The following SCAP variants were observed in gnomAD, a reference collection of about 807,000 sequenced individuals.
The protein encoded by SCAP is sterol regulatory element-binding protein cleavage-activating protein.
In SCAP, 65 loss-of-function variants were observed where a neutral mutation model predicts 123.6. That is an observed-to-expected ratio of 0.53 (90% CI 0.43 to 0.65). SCAP has a LOEUF of 0.65. Ranked by LOEUF, SCAP falls within the 30% of genes least tolerant of loss-of-function variation. The pLI is 0.00. For missense variants in SCAP, 1,398 were observed against 1,712.5 expected (o/e 0.82, Z 3.24); for synonymous variants, 740 against 726.3 (o/e 1.02, Z -0.30).
At chr3:47,460,985 G>A (rs1707618918) in intron 1 of SCAP, among the ~76,000 whole-genome samples, 1 of 152,158 alleles carries the variant, frequency 6.6e-6, no homozygotes, top group Non-Finnish European at 1.5e-5. Flanking sequence ...TTTTCCTTGG[G>A]GTGAGGGTCC....
chr3:47,416,176 G>C (rs1322746801), intron 18 of SCAP, among the ~76,000 whole-genome samples: 1 of 152,242 alleles, frequency 6.6e-6, no homozygotes. Context: ...CTTGGAGGAG[G>C]AGCCAGTGTG....
At chr3:47,426,422 T>TTTTA (rs1323256141) in intron 6 of SCAP, among the ~76,000 whole-genome samples, 16 of 152,082 alleles carry the variant, frequency 1.1e-4, no homozygotes, top group Non-Finnish European at 8.8e-5. Context: ...ACACTCTCTT[T>TTTTA]TTTATTTATT....
At position 47,419,658 on chromosome 3, in the gene SCAP, G is replaced by A; in HGVS notation, c.1610C>T (p.Ala537Val). The A allele has an allele frequency of 6.4e-7, 1 of 1,558,468 alleles. No individual in the cohort carries two copies. The highest frequency in any genetic ancestry group is 8.7e-7 in the Non-Finnish European group (1 of 1,151,224). Residue 537 changes from alanine (A) to valine (V), a missense_variant, in exon 13 of 23, where the codon GCA (alanine) becomes GTA (valine). Physicochemically the swap from Ala to Val is moderately conservative, Grantham distance 64 (BLOSUM62 0). Transcript: ENST00000265565. This position sits in a 1 kb window ranked among gnomAD's most constrained non-coding sequence, Gnocchi z 5.0. ...GGCAGCGAGGTAGTTGCGCAGCCCT[G>A]CTGGGTCTGTGTATACCAGGATGCC... ...WIGILVYTDP[A>V]GLRNYLAAQV...
At chr3:47,443,285 C>G (rs1706887470) in intron 1 of SCAP, 194 bp from the exon 2 acceptor site, 2 of 190,586 alleles carry the variant, frequency 1.0e-5, no homozygotes, top group Non-Finnish European at 2.2e-5. Flanking sequence ...CACTCTCTCT[C>G]TCTCTCTCTC....
chr3:47,418,798 G>T lies in SCAP; in HGVS notation c.1986C>A (p.Asn662Lys). ...LPVIPVTLRL[N>K]PREALEGRHP... ...GCCGGCCCTCCAGAGCCTCCCTCGGGTTCAGGCGGAGCGTGACTGGGATGA... is the reference window on the plus strand; with the variant it reads ...GCCGGCCCTCCAGAGCCTCCCTCGGTTTCAGGCGGAGCGTGACTGGGATGA... Residue 662 changes from asparagine to lysine, a missense_variant, in exon 14 of 23, where the codon AAC becomes AAA. Asn to Lys is a moderately conservative substitution (Grantham distance 94). Coordinates refer to ENST00000265565, the MANE Select transcript of SCAP (RefSeq NM_012235.4). The T allele has an allele frequency of 1.3e-6, 2 of 1,553,846 alleles. No individual in the cohort carries two copies. Among genetic ancestry groups the T allele is most frequent in the Non-Finnish European group, 8.7e-7 (1 of 1,154,340 alleles).
intron 9 of SCAP, chr3:47,422,891 G>A (rs1705967022): frequency 5.2e-6 from 1 of 193,904 alleles, no homozygotes; most frequent in African/African-American, 2.3e-5. Context: ...GTTCTTGTCT[G>A]GTCTGCACGG....
intron 1 of SCAP, among the ~76,000 whole-genome samples, chr3:47,453,145 C>G (rs569788469): frequency 1.3e-5 from 2 of 152,196 alleles, no homozygotes; most frequent in South Asian, 4.2e-4. Flanking sequence ...AACCACCAGC[C>G]TGAAAAATTC....
At chr3:47,418,950 C>T in intron 13 of SCAP, 107 bp from the exon 14 acceptor site, 1 of 1,188,842 alleles carries the variant, frequency 8.4e-7, no homozygotes, top group Non-Finnish European at 1.1e-6. Context: ...CTCAGCTCCA[C>T]CGGCCAGACT....
intron 1 of SCAP, among the ~76,000 whole-genome samples, chr3:47,447,053 C>T (rs1201654634): frequency 6.6e-6 from 1 of 152,180 alleles, no homozygotes; most frequent in Non-Finnish European, 1.5e-5. Flanking sequence ...TGTTCCAGCA[C>T]CATTTGGTGA....
intron 1 of SCAP, among the ~76,000 whole-genome samples, chr3:47,457,381 T>G (rs925849688): frequency 1.3e-5 from 2 of 152,204 alleles, no homozygotes; most frequent in African/African-American, 4.8e-5. Context: ...ACTTCCACCT[T>G]GCTCATTCTG....
At chr3:47,430,311 A>G (rs951827612) in intron 3 of SCAP, among the ~76,000 whole-genome samples, 10 of 152,148 alleles carry the variant, frequency 6.6e-5, no homozygotes, top group African/African-American at 2.2e-4. Context: ...TCTGCCATCT[A>G]CCTTTCAAGA....
intron 18 of SCAP, among the ~76,000 whole-genome samples, chr3:47,415,966 A>C (rs1705551947): frequency 6.6e-6 from 1 of 152,208 alleles, no homozygotes; most frequent in South Asian, 2.1e-4. Context: ...ATTTCCAAGA[A>C]GCATGGAGGG....
intron 1 of SCAP, among the ~76,000 whole-genome samples, chr3:47,457,564 G>C (rs1282425416): frequency 6.6e-6 from 1 of 152,188 alleles, no homozygotes; most frequent in Non-Finnish European, 1.5e-5. Flanking sequence ...ATCCCTTTGG[G>C]ATAATGTTTT....
At chr3:47,418,626 T>TTGGCCCCCCC in intron 14 of SCAP, 29 bp downstream of exon 14, 1 of 1,459,572 alleles carries the variant, frequency 6.9e-7, no homozygotes, top group Non-Finnish European at 9.5e-7. Flanking sequence ...CCGCACTCTT[T>TTGGCCCCCCC]CCCACCCCAC....
chr3:47,414,906 C>T lies in SCAP; in HGVS notation c.3227G>A (p.Cys1076Tyr), dbSNP rs1418097637. The change falls in exon 20 of 23, where the codon TGT becomes TAT. Residue 1076 changes from cysteine to tyrosine, a missense_variant. By Grantham distance (194) the Cys-to-Tyr change is radical. Transcript: ENST00000265565. ...GGCTGTGATGGGTTTTTGGTGTGCACAGGGCACTGTGTGGGTCAGGTGACA... is the reference window on the plus strand; with the variant it reads ...GGCTGTGATGGGTTTTTGGTGTGCATAGGGCACTGTGTGGGTCAGGTGACA... ...VACHLTHTVPCAHQKPITALK... is the reference protein window; with the variant it reads ...VACHLTHTVPYAHQKPITALK... The T allele has an allele frequency of 3.1e-6, 5 of 1,612,692 alleles. No individual in the cohort carries two copies. The highest frequency in any genetic ancestry group is 2.5e-6 in the Non-Finnish European group (3 of 1,179,834).
At chr3:47,418,563 C>T in intron 14 of SCAP, 41 bp from the exon 15 acceptor site, 1 of 1,557,698 alleles carries the variant, frequency 6.4e-7, no homozygotes, top group South Asian at 1.2e-5. Flanking sequence ...CACCTCACAG[C>T]CTGTCCCCTC....
intron 8 of SCAP, 50 bp downstream of exon 8, chr3:47,425,435 C>G: frequency 5.1e-6 from 8 of 1,581,810 alleles, no homozygotes; most frequent in Non-Finnish European, 6.9e-6. Context: ...GTGCAAGGCT[C>G]TCTGGCCTGA....
chr3:47,462,942 T>C (rs1015311960), intron 1 of SCAP, among the ~76,000 whole-genome samples: 2 of 152,078 alleles, frequency 1.3e-5, no homozygotes, highest in African/African-American at 4.8e-5. Context: ...CTTCTCAGCC[T>C]GACTCCTGGC....
At chr3:47,454,322 C>T (rs1466230549) in intron 1 of SCAP, among the ~76,000 whole-genome samples, 3 of 151,064 alleles carry the variant, frequency 2.0e-5, no homozygotes, top group South Asian at 4.2e-4. Flanking sequence ...GAGCAGAGAT[C>T]ACGCCACTGC....
Sources: allele counts gnomAD v4.1 joint callset (sites outside exome capture counted in the v4.1 genomes callset), GRCh38; gene constraint gnomAD v4.1.1; non-coding constraint Gnocchi (gnomAD v3.1); transcripts MANE v1.5; gene names NCBI Gene and HGNC (gene_info 2026-07-23, HGNC 2026-07-21).